Variants in BCL2L14 observed in about 807,000 individuals in gnomAD.
The protein encoded by BCL2L14 is BCL2 like 14.
BCL2L14 carries 27 observed loss-of-function variants against 35.3 expected under a neutral mutation model. That is an observed-to-expected ratio of 0.76 (90% CI 0.56 to 1.05). The LOEUF (loss-of-function observed/expected upper bound fraction) is 1.05. Among genes scored for constraint, BCL2L14 ranks in the 50% least tolerant of loss-of-function variants. BCL2L14 has a pLI of 0.00. For missense variants in BCL2L14, 377 were observed against 382.6 expected (o/e 0.99, Z 0.12); for synonymous variants, 139 against 145.9 (o/e 0.95, Z 0.34).
Position 12,087,274 on chromosome 12 carries a change from A to G in BCL2L14, c.495A>G (p.Pro165=). The change falls in exon 3 of 6, where the codon CCA becomes CCG. Residue 165 remains proline (P), a synonymous_variant. Transcript: ENST00000308721. ...NRVAEIVYSW[P]PPQATQAGGF... is the part of the protein sequence containing the mutation. Reference sequence around the variant, plus strand: ...TAGCTGAAATTGTTTACTCCTGGCCACCACCACAAGCGACCCAGGCAGGAG... The same window carrying G: ...TAGCTGAAATTGTTTACTCCTGGCCGCCACCACAAGCGACCCAGGCAGGAG... 1 of 1,614,140 alleles carries G rather than the reference A, an allele frequency of 6.2e-7. No individual in the cohort carries two copies. The highest frequency in any genetic ancestry group is 8.5e-7 in the Non-Finnish European group (1 of 1,179,982).
chr12:12,082,220 A>C lies in BCL2L14; in HGVS notation c.433+2482A>C, dbSNP rs149552809. 2.8e-3 allele frequency among the ~76,000 whole-genome samples: 432 copies of C among 152,246 alleles called. 3 individuals carry two copies. Among genetic ancestry groups the C allele is most frequent in the African/African-American group, 9.8e-3 (406 of 41,534 alleles). On this transcript the variant is annotated intron_variant, in intron 2 of 5. Transcript: ENST00000308721. ...ACCAGAAGTCCAGGCCTCTCCCTAG[A>C]CTTGTTTCATTTTTACAGCAAGGCA...
At chr12:12,060,939 C>T (rs141354836) in intron 2 of BCL2L14, among the ~76,000 whole-genome samples, 27,092 of 40,362 alleles carry the variant, frequency 0.67, 10,685 homozygotes, top group East Asian at 0.89. Context: ...GGAGGGTAAG[C>T]CCGTCCCCTT....
intron 2 of BCL2L14, among the ~76,000 whole-genome samples, chr12:12,061,174 C>T (rs1006061227): frequency 4.0e-5 from 6 of 148,636 alleles, no homozygotes; most frequent in South Asian, 2.2e-4. Flanking sequence ...AAATTATCTG[C>T]TTCCCTGACT....
At chr12:12,072,089 C>T (rs1948679284) in intron 1 of BCL2L14, 1 of 152,422 alleles carries the variant, frequency 6.6e-6, no homozygotes, top group Admixed American at 6.5e-5. Flanking sequence ...GGATTCTCCA[C>T]ACCCCTCACC....
chr12:12,059,611 C>A (rs955402279), intron 2 of BCL2L14, among the ~76,000 whole-genome samples: 9 of 133,760 alleles, frequency 6.7e-5, no homozygotes, highest in South Asian at 4.3e-4. Flanking sequence ...AGGGCAAGAA[C>A]CCCCTACCCC....
In BCL2L14 at chr12:12,099,007, A is replaced by T. The variant is rs1949375509; in HGVS notation, c.*19A>T. 6.3e-7 allele frequency: 1 copy of T among 1,583,138 alleles called. No homozygotes were observed. The highest frequency in any genetic ancestry group is 1.3e-5 in the African/African-American group (1 of 74,328). ...AGACTGAAATATCAGATTTGTCATCAGGAATACTCTTTGTCTACTGTGGTC... is the reference window on the plus strand; with the variant it reads ...AGACTGAAATATCAGATTTGTCATCTGGAATACTCTTTGTCTACTGTGGTC... On this transcript the variant is annotated 3_prime_UTR_variant, in exon 6 of 6. Transcript: ENST00000308721.
In BCL2L14 at chr12:12,094,938, T is replaced by C; in HGVS notation, c.945+8T>C. 1 of 1,608,078 alleles carries C rather than the reference T, an allele frequency of 6.2e-7. No homozygotes were observed. On this transcript the variant is annotated splice_region_variant and intron_variant, in intron 5 of 5. Coordinates refer to ENST00000308721, the MANE Select transcript of BCL2L14 (RefSeq NM_138723.2). ...CAGCAGCACGGTGGATGGGTAAGCG[T>C]ATCCTATTTAAAAACAAATTTTCTC... is the stretch of plus-strand genomic sequence containing the variant.
chr12:12,084,511 G>C (rs755583694), intron 2 of BCL2L14, among the ~76,000 whole-genome samples: 1 of 151,928 alleles, frequency 6.6e-6, no homozygotes, highest in Non-Finnish European at 1.5e-5. Flanking sequence ...GACCACAGGC[G>C]AAATGGGACC....
At chr12:12,074,358 C>T (rs759633263) in intron 1 of BCL2L14, among the ~76,000 whole-genome samples, 29 of 152,192 alleles carry the variant, frequency 1.9e-4, no homozygotes, top group Admixed American at 1.3e-4. Flanking sequence ...GCCAAAGTCC[C>T]GCCTTCATAT....
chr12:12,079,516 T>G lies in BCL2L14; in HGVS notation c.211T>G (p.Ser71Ala). 6.2e-7 allele frequency: 1 copy of G among 1,614,210 alleles called. No individual in the cohort carries two copies. The highest frequency in any genetic ancestry group is 8.5e-7 in the Non-Finnish European group (1 of 1,180,052). The change falls in exon 2 of 6, where the codon TCA (serine) becomes GCA (alanine). Residue 71 changes from serine to alanine, a missense_variant. By Grantham distance (99) the Ser-to-Ala change is moderately conservative. Coordinates refer to ENST00000308721, the MANE Select transcript of BCL2L14 (RefSeq NM_138723.2). ...AGCAAATGAGTCATGGACAGAGGTG[T>G]CATGGCCTTGCAGAAATTCCCAATC... Reference protein sequence around the residue: ...CSANESWTEVSWPCRNSQSSE... With the variant: ...CSANESWTEVAWPCRNSQSSE...
At chr12:12,073,794 A>G (rs1948720701) in intron 1 of BCL2L14, among the ~76,000 whole-genome samples, 1 of 152,196 alleles carries the variant, frequency 6.6e-6, no homozygotes, top group Non-Finnish European at 1.5e-5. Context: ...CACTCTGTCC[A>G]AAAGGAAGCC....
At chr12:12,088,768 C>T (rs1015051185) in intron 3 of BCL2L14, among the ~76,000 whole-genome samples, 1 of 152,118 alleles carries the variant, frequency 6.6e-6, no homozygotes, top group Non-Finnish European at 1.5e-5. Flanking sequence ...CAAAGGTATC[C>T]GTGTCTCCCA....
Position 12,079,523 on chromosome 12 carries a change from C to G in BCL2L14, c.218C>G (p.Pro73Arg), listed in dbSNP as rs1384117771. The G allele has an allele frequency of 3.1e-6, 5 of 1,614,204 alleles. No homozygotes were observed. The highest frequency in any genetic ancestry group is 4.2e-6 in the Non-Finnish European group (5 of 1,180,040). ...GAGTCATGGACAGAGGTGTCATGGC[C>G]TTGCAGAAATTCCCAATCCAGTGAG... ...ANESWTEVSW[P>R]CRNSQSSEKA... is the part of the protein sequence containing the mutation. The change falls in exon 2 of 6, where the codon CCT becomes CGT. Residue 73 changes from proline (P) to arginine (R), a missense_variant. By Grantham distance (103) the Pro-to-Arg change is moderately radical. Coordinates refer to ENST00000308721, the MANE Select transcript of BCL2L14 (RefSeq NM_138723.2).
intron 3 of BCL2L14, among the ~76,000 whole-genome samples, chr12:12,089,055 A>C (rs2136769399): frequency 6.6e-6 from 1 of 152,344 alleles, no homozygotes; most frequent in East Asian, 1.9e-4. Context: ...ATATCGAGAC[A>C]GATCTTACTC....
intron 3 of BCL2L14, among the ~76,000 whole-genome samples, chr12:12,088,017 T>TGCTCCTG (rs374831740): frequency 7.2e-5 from 11 of 152,322 alleles, no homozygotes; most frequent in African/African-American, 2.6e-4. Context: ...CCACAGTTCT[T>TGCTCCTG]GCTCCTGGCT....
At chr12:12,074,891 C>A (rs1948746082) in intron 1 of BCL2L14, among the ~76,000 whole-genome samples, 4 of 152,176 alleles carry the variant, frequency 2.6e-5, no homozygotes. Context: ...GATCCTCCCA[C>A]CTTGGCCTCC....
At chr12:12,066,719 T>TA (rs1341225688), upstream of BCL2L14, among the ~76,000 whole-genome samples, 61 of 149,532 alleles carry the variant, frequency 4.1e-4, no homozygotes, top group African/African-American at 1.2e-3. Flanking sequence ...ATTATTATTT[T>TA]TTTTTTTTTT....
At chr12:12,087,051 A>G (rs1591830082) in intron 2 of BCL2L14, among the ~76,000 whole-genome samples, 162 bp from the exon 3 acceptor site, 1 of 152,240 alleles carries the variant, frequency 6.6e-6, no homozygotes, top group Admixed American at 6.5e-5. Context: ...CTGCCAGGCA[A>G]CTTTCAGTCC....
At chr12:12,061,314 A>G (rs55860103) in intron 2 of BCL2L14, among the ~76,000 whole-genome samples, 14,836 of 148,182 alleles carry the variant, frequency 0.1, 869 homozygotes, top group East Asian at 0.39. Context: ...CTTGGCGACC[A>G]ATCACACACC....
Sources: gnomAD v4.1 joint callset for allele counts (sites outside exome capture counted in the v4.1 genomes callset) on GRCh38, gnomAD v4.1.1 for gene constraint, MANE v1.5 for transcripts, NCBI Gene and HGNC (gene_info 2026-07-23, HGNC 2026-07-21) for gene names.